Variants in PGLYRP2 observed in about 807,000 individuals in gnomAD.
PGLYRP2 encodes peptidoglycan recognition protein 2.
PGLYRP2 carries 38 observed loss-of-function variants against 46.2 expected under a neutral mutation model. The observed-to-expected ratio is 0.82, with a 90% CI of 0.64 to 1.08. The LOEUF (loss-of-function observed/expected upper bound fraction) is 1.08. PGLYRP2 is among the 50% of genes least tolerant of loss of function. PGLYRP2 has a pLI of 0.00. For missense variants in PGLYRP2, 713 were observed against 755.9 expected, an observed-to-expected ratio of 0.94 and a Z score of 0.67; for synonymous variants, 289 against 329.4, an observed-to-expected ratio of 0.88 and a Z score of 1.33.
intron 2 of PGLYRP2, among the ~76,000 whole-genome samples, chr19:15,473,850 A>C (rs1970771916): frequency 6.6e-6 from 1 of 151,100 alleles, no homozygotes; most frequent in Admixed American, 6.6e-5. Context: ...AAAAGAAAGA[A>C]AGAAAGAAAA....
rs1388243133 is a variant in PGLYRP2 at position 15,469,442 on chromosome 19, C to G, written c.1641+190G>C. 9.7e-6 allele frequency: 8 copies of G among 826,186 alleles called. No individual in the cohort carries two copies. Among genetic ancestry groups the G allele is most frequent in the Admixed American group, 8.0e-5 (4 of 50,116 alleles). 51.2% of individuals were successfully genotyped at this position (826,186 alleles called of 1,614,324 possible). A position where few individuals can be genotyped will look rare whatever the true frequency, so the allele number is the denominator to read the frequency against. On this transcript the variant is annotated intron_variant, in intron 4 of 4. Coordinates refer to ENST00000340880, the MANE Select transcript of PGLYRP2 (RefSeq NM_052890.4). This position sits in a 1 kb window ranked among gnomAD's most constrained non-coding sequence, Gnocchi z 4.9. ...GCTGCATAGGCAGAAGTCACAGGAT[C>G]AGGGATGTTGCCCGCAGAGTGACCC...
At chr19:15,479,087 C>T (rs1247068457) in intron 1 of PGLYRP2, among the ~76,000 whole-genome samples, 1 of 152,182 alleles carries the variant, frequency 6.6e-6, no homozygotes, top group Non-Finnish European at 1.5e-5. Context: ...TATGTCTCCT[C>T]CTCCAAGAAG....
Position 15,469,137 on chromosome 19 carries a change from G to T in PGLYRP2, c.1642-385C>A. 1.8e-6 allele frequency: 1 copy of T among 566,056 alleles called. No homozygotes were observed. Among genetic ancestry groups the T allele is most frequent in the Non-Finnish European group, 3.1e-6 (1 of 318,394 alleles). The allele number at this position is 566,056 out of a possible 1,614,324, so 35.1% of individuals were successfully genotyped here. On this transcript the variant is annotated intron_variant, in intron 4 of 4. Coordinates refer to ENST00000340880, the MANE Select transcript of PGLYRP2 (RefSeq NM_052890.4). The surrounding 1 kb of genome is among the most constrained non-coding windows in gnomAD (Gnocchi z 4.9). Reference sequence around the variant, plus strand: ...AATTGCAACACAGGATTAAGGACTGGACAGAGGTTGTGAAGGCAAAAGGTC... The same window carrying T: ...AATTGCAACACAGGATTAAGGACTGTACAGAGGTTGTGAAGGCAAAAGGTC...
In PGLYRP2 at chr19:15,475,877, C is replaced by A. The variant is rs950979196; in HGVS notation, c.793G>T (p.Ala265Ser). ...PRTFTLLDPK[A>S]SLLTMAFLNG... is the part of the protein sequence containing the mutation. ...AGGAAGGCCATGGTTAACAGAGATG[C>A]CTTGGGGTCCAAAAGCGTAAAGGTC... The change falls in exon 2 of 5, where the codon GCA (alanine) becomes TCA (serine). Residue 265 changes from alanine to serine, a missense_variant. By Grantham distance (99) the Ala-to-Ser change is moderately conservative. Coordinates refer to ENST00000340880, the MANE Select transcript of PGLYRP2 (RefSeq NM_052890.4). 3 of 1,614,040 alleles carry A rather than the reference C, an allele frequency of 1.9e-6. No homozygotes were observed. The highest frequency in any genetic ancestry group is 1.1e-5 in the South Asian group (1 of 91,076).
intron 1 of PGLYRP2, among the ~76,000 whole-genome samples, chr19:15,477,424 G>A (rs1330972355): frequency 1.4e-5 from 2 of 139,116 alleles, no homozygotes; most frequent in Non-Finnish European, 1.5e-5. Flanking sequence ...AATGCCAGAC[G>A]CAGTGGCTCA....
intron 3 of PGLYRP2, among the ~76,000 whole-genome samples, chr19:15,470,259 T>TCCTC (rs1176662380): frequency 0.02 from 2,386 of 118,144 alleles, 36 homozygotes; most frequent in Middle Eastern, 0.038. Context: ...CTTCCTTCCT[T>TCCTC]CCTTCCTTCC....
chr19:15,471,334 T>C (rs12971481), intron 3 of PGLYRP2, among the ~76,000 whole-genome samples: 57,248 of 151,390 alleles, frequency 0.38, 10,915 homozygotes, highest in African/African-American at 0.4. Context: ...CAGGATGGTC[T>C]CAATCTTCTG....
At chr19:15,477,994 C>T (rs1970813286) in intron 1 of PGLYRP2, among the ~76,000 whole-genome samples, 1 of 152,102 alleles carries the variant, frequency 6.6e-6, no homozygotes, top group Non-Finnish European at 1.5e-5. Flanking sequence ...TCCTTTTAGC[C>T]CCTGTCTTAG....
chr19:15,472,542 G>A (rs983931797), intron 2 of PGLYRP2, among the ~76,000 whole-genome samples: 5 of 151,802 alleles, frequency 3.3e-5, no homozygotes, highest in Non-Finnish European at 7.4e-5. Context: ...GCAGTGAGCC[G>A]AGATTGTGCT....
chr19:15,479,217 C>A, intron 1 of PGLYRP2, 94 bp downstream of exon 1: 1 of 1,325,930 alleles, frequency 7.5e-7, no homozygotes, highest in Middle Eastern at 2.0e-4. Context: ...GAGTCTCCAG[C>A]CTCACTCCAT....
At chr19:15,476,765 A>G (rs1970801752) in intron 1 of PGLYRP2, among the ~76,000 whole-genome samples, 157 bp from the exon 2 acceptor site, 1 of 151,980 alleles carries the variant, frequency 6.6e-6, no homozygotes, top group Non-Finnish European at 1.5e-5. Context: ...TACACAGACT[A>G]TTGCCTGTTG....
At chr19:15,473,614 C>T (rs1970769686) in intron 2 of PGLYRP2, among the ~76,000 whole-genome samples, 1 of 150,342 alleles carries the variant, frequency 6.7e-6, no homozygotes, top group South Asian at 2.2e-4. Context: ...GCAAAGAATT[C>T]ATGACTAAGA....
Position 15,479,463 on chromosome 19 carries a change from A to G in PGLYRP2, c.-92T>C. 1 of 1,279,328 alleles carries G rather than the reference A, an allele frequency of 7.8e-7. No individual in the cohort carries two copies. The highest frequency in any genetic ancestry group is 1.1e-6 in the Non-Finnish European group (1 of 895,876). The allele number at this position is 1,279,328 out of a possible 1,614,324, so 79.2% of individuals were successfully genotyped here. A position where few individuals can be genotyped will look rare whatever the true frequency, so the allele number is the denominator to read the frequency against. On this transcript the variant is annotated 5_prime_UTR_variant, in exon 1 of 5. Coordinates refer to ENST00000340880, the MANE Select transcript of PGLYRP2 (RefSeq NM_052890.4). ...GGAGGGAGACAGGCACAGAGAACTG[A>G]GCAGAGCCTTTGACCACTGTCAAAG...
intron 4 of PGLYRP2, 42 bp from the exon 5 acceptor site, chr19:15,468,794 G>A: frequency 1.3e-6 from 2 of 1,530,098 alleles, no homozygotes; most frequent in South Asian, 2.3e-5. Context: ...GGGTGGTTGT[G>A]GTATGTGGCT....
chr19:15,471,842 C>T, intron 3 of PGLYRP2, 48 bp downstream of exon 3: 1 of 1,588,152 alleles, frequency 6.3e-7, no homozygotes, highest in South Asian at 1.1e-5. Context: ...ACTCAGACCC[C>T]ATCCCCGAAC....
Position 15,469,224 on chromosome 19 carries a change from G to A in PGLYRP2, c.1641+408C>T. On this transcript the variant is annotated intron_variant, in intron 4 of 4. Coordinates refer to ENST00000340880, the MANE Select transcript of PGLYRP2 (RefSeq NM_052890.4). The surrounding 1 kb of genome is among the most constrained non-coding windows in gnomAD (Gnocchi z 4.9). ...CGGGTAGGGGCAGGGGTGAGGTCAAGGTTCGGCGGGCCAGGATGAGGTGGT... is the reference window on the plus strand; with the variant it reads ...CGGGTAGGGGCAGGGGTGAGGTCAAAGTTCGGCGGGCCAGGATGAGGTGGT... 3.3e-6 allele frequency: 2 copies of A among 597,994 alleles called. No homozygotes were observed. The allele number at this position is 597,994 out of a possible 1,614,324, so 37.0% of individuals were successfully genotyped here.
chr19:15,471,740 C>G, intron 3 of PGLYRP2, 150 bp downstream of exon 3: 1 of 869,472 alleles, frequency 1.2e-6, no homozygotes, highest in South Asian at 1.8e-5. Flanking sequence ...GCCACGCCAC[C>G]TCTCCAACTT....
At chr19:15,471,564 G>C (rs566084815) in intron 3 of PGLYRP2, among the ~76,000 whole-genome samples, 118 of 152,156 alleles carry the variant, frequency 7.8e-4, no homozygotes, top group Non-Finnish European at 1.4e-3. Flanking sequence ...ACCGCACCAG[G>C]CCTCCTTGTC....
intron 3 of PGLYRP2, 121 bp downstream of exon 3, chr19:15,471,769 T>G (rs1306632588): frequency 1.7e-6 from 2 of 1,162,194 alleles, no homozygotes; most frequent in East Asian, 5.1e-5. Flanking sequence ...CTATCAGGAC[T>G]CCTCCTTGGT....
Sources: gnomAD v4.1 joint callset for allele counts (sites outside exome capture counted in the v4.1 genomes callset) on GRCh38, gnomAD v4.1.1 for gene constraint, Gnocchi (gnomAD v3.1) non-coding constraint, MANE v1.5 for transcripts, NCBI Gene and HGNC (gene_info 2026-07-23, HGNC 2026-07-21) for gene names.